ARNT2: variants seen among roughly 807,000 people sequenced by gnomAD.
The protein encoded by ARNT2 is aryl hydrocarbon receptor nuclear translocator 2.
ARNT2 carries 36 observed loss-of-function variants against 91.7 expected under a neutral mutation model. That is an observed-to-expected ratio of 0.39 (90% CI 0.30 to 0.52). The LOEUF is 0.52. Ranked by LOEUF, ARNT2 falls within the 20% of genes least tolerant of loss-of-function variation. ARNT2 has a pLI of 0.72. For synonymous variants in ARNT2, 365 were observed against 347.1 expected, an observed-to-expected ratio of 1.05 and a Z score of -0.57; for missense variants, 775 against 939.3, an observed-to-expected ratio of 0.83 and a Z score of 2.29.
At chr15:80,448,029 C>T (rs1054769494) in intron 1 of ARNT2, among the ~76,000 whole-genome samples, 4 of 152,194 alleles carry the variant, frequency 2.6e-5, no homozygotes, top group African/African-American at 9.7e-5. Context: ...AGATTGCTTA[C>T]CATCAGCATA....
rs532625611 is a variant in ARNT2, at chr15:80,562,913, C to T, written c.1165-175C>T. On this transcript the variant is annotated intron_variant, in intron 11 of 18. Transcript: ENST00000303329. ...GCACCCCATTTCACCAGAAGGTAGA[C>T]GGAGGAGTTCCCATTGCAAAACTGC... The T allele has an allele frequency of 2.2e-5, 16 of 713,758 alleles. No homozygotes were observed. In the South Asian group the frequency reaches 2.5e-4, roughly 11 times the overall value. 44.2% of individuals were successfully genotyped at this position (713,758 alleles called of 1,614,324 possible).
intron 8 of ARNT2, among the ~76,000 whole-genome samples, chr15:80,522,583 G>C (rs1897566815): frequency 6.6e-6 from 1 of 152,030 alleles, no homozygotes; most frequent in South Asian, 2.1e-4. Context: ...AATCTGTACA[G>C]CATGTTATTG....
chr15:80,595,888 C>A lies in ARNT2; in HGVS notation c.*2190C>A, dbSNP rs1010346921. On this transcript the variant is annotated 3_prime_UTR_variant, in exon 19 of 19. Transcript: ENST00000303329. ...GGCCTTGGGCATAATTATTTCCCCC[C>A]AAAAAAGGCACAAAAATAGGTTTTG... 2 of 152,084 alleles carry A rather than the reference C, an allele frequency of 1.3e-5. No individual in the cohort carries two copies. The highest frequency in any genetic ancestry group is 2.9e-5 in the Non-Finnish European group (2 of 68,002). The allele number at this position is 152,084 out of a possible 1,614,324, so 9.4% of individuals were successfully genotyped here.
At chr15:80,456,393 G>T (rs1239778926) in intron 2 of ARNT2, among the ~76,000 whole-genome samples, 1 of 151,244 alleles carries the variant, frequency 6.6e-6, no homozygotes, top group Non-Finnish European at 1.5e-5. Flanking sequence ...TTCTTATACT[G>T]TTAGTATAAC....
At chr15:80,454,525 T>C (rs1299642555) in intron 2 of ARNT2, among the ~76,000 whole-genome samples, 1 of 152,226 alleles carries the variant, frequency 6.6e-6, no homozygotes, top group Non-Finnish European at 1.5e-5. Context: ...TGGAATGTGG[T>C]CAAATTGCAG....
intron 8 of ARNT2, among the ~76,000 whole-genome samples, chr15:80,534,200 G>A (rs975747757): frequency 6.6e-6 from 1 of 152,172 alleles, no homozygotes. Flanking sequence ...TCTAGAGTCG[G>A]AATGGTACAC....
chr15:80,532,657 G>A (rs767530065), intron 8 of ARNT2, among the ~76,000 whole-genome samples: 1 of 152,152 alleles, frequency 6.6e-6, no homozygotes, highest in East Asian at 1.9e-4. Flanking sequence ...CTCAGCCACC[G>A]TCTGTAGCAG....
In ARNT2 at chr15:80,404,674, G is replaced by A. The variant is rs867169052; in HGVS notation, c.31+128G>A. On this transcript the variant is annotated intron_variant, in intron 1 of 18. Transcript: ENST00000303329. The surrounding 1 kb of genome is among the most constrained non-coding windows in gnomAD (Gnocchi z 5.5). Reference sequence around the variant, plus strand: ...AGCTCGGCGCGGTGGGTGGTGGAGCGGCTGTCACTACGCGGCAGCCGCAGC... The same window carrying A: ...AGCTCGGCGCGGTGGGTGGTGGAGCAGCTGTCACTACGCGGCAGCCGCAGC... 6.6e-4 allele frequency: 343 copies of A among 521,750 alleles called. 4 individuals are homozygous for A. Among genetic ancestry groups the A allele is most frequent in the Middle Eastern group, 6.6e-3 (7 of 1,068 alleles). The allele number at this position is 521,750 out of a possible 1,614,324, so 32.3% of individuals were successfully genotyped here.
rs1231323313 is a variant in ARNT2 at position 80,470,921 on chromosome 15, C to G, written c.408+490C>G. On this transcript the variant is annotated intron_variant, in intron 4 of 18. Coordinates refer to ENST00000303329, the MANE Select transcript of ARNT2 (RefSeq NM_014862.4). ...GCAGAGAAAAGGGAACACTTATACA[C>G]TGCTGGTGGGAGTGTAAACTAGCTC... 2.0e-5 allele frequency among the ~76,000 whole-genome samples: 3 copies of G among 152,368 alleles called. No homozygotes were observed. The East Asian group carries it at 5.8e-4, about 29-fold the overall frequency.
At chr15:80,477,483 C>T (rs967529881) in intron 5 of ARNT2, among the ~76,000 whole-genome samples, 2 of 152,186 alleles carry the variant, frequency 1.3e-5, no homozygotes, top group Admixed American at 6.5e-5. Context: ...TTGGGGAGAG[C>T]GTAAGCATTT....
rs1260618924 is a variant in ARNT2, at chr15:80,567,605, G to A, written c.1316+4366G>A. On this transcript the variant is annotated intron_variant, in intron 12 of 18. Transcript: ENST00000303329. ...AGTAAAGATCCCCCTGTGAAAACCA[G>A]CCCCCTGGCTGAGGTTTTGCTTTAT... is the stretch of plus-strand genomic sequence containing the variant. 2.0e-5 allele frequency among the ~76,000 whole-genome samples: 3 copies of A among 152,326 alleles called. No individual in the cohort carries two copies. The East Asian group carries it at 5.8e-4, about 29-fold the overall frequency.
intron 1 of ARNT2, among the ~76,000 whole-genome samples, chr15:80,427,517 G>A (rs940418099): frequency 1.2e-4 from 18 of 152,076 alleles, no homozygotes; most frequent in African/African-American, 3.6e-4. Context: ...AGGAGAACAC[G>A]GACTTGAGGT....
chr15:80,438,785 G>A (rs960454877), intron 1 of ARNT2, among the ~76,000 whole-genome samples: 36 of 152,144 alleles, frequency 2.4e-4, no homozygotes, highest in South Asian at 1.0e-3. Flanking sequence ...CATCTCCTGG[G>A]TTCACGCGAT....
rs747210628 is a variant in ARNT2, at chr15:80,508,175, G to A, written c.642G>A (p.Lys214=). The change falls in exon 6 of 19, where the codon AAG becomes AAA. Residue 214 remains lysine, a synonymous_variant. Transcript: ENST00000303329. The part of the protein sequence containing the change: ...NSMTGRILDL[K]TGTVKKEGQQ... ...TCTTAGGCCGGATCTTGGACCTGAA[G>A]ACTGGGACGGTCAAGAAAGAAGGGC... is the stretch of plus-strand genomic sequence containing the variant. 8 of 1,614,114 alleles carry A rather than the reference G, an allele frequency of 5.0e-6. No individual in the cohort carries two copies. Among genetic ancestry groups the A allele is most frequent in the Non-Finnish European group, 5.1e-6 (6 of 1,179,990 alleles).
intron 8 of ARNT2, among the ~76,000 whole-genome samples, chr15:80,516,159 C>G (rs1897430931): frequency 6.6e-6 from 1 of 152,222 alleles, no homozygotes; most frequent in African/African-American, 2.4e-5. Flanking sequence ...GCGTGAGCCA[C>G]CGCACCCAGC....
intron 8 of ARNT2, among the ~76,000 whole-genome samples, chr15:80,522,376 C>T (rs1353950170): frequency 6.6e-6 from 1 of 152,062 alleles, no homozygotes; most frequent in Admixed American, 6.5e-5. Context: ...AAGTTTGTGC[C>T]CTTAATCAGC....
At chr15:80,505,158 ATCTTGC>A (rs1897256502) in intron 5 of ARNT2, among the ~76,000 whole-genome samples, 1 of 152,204 alleles carries the variant, frequency 6.6e-6, no homozygotes, top group Non-Finnish European at 1.5e-5. Context: ...TGAAAGCAAG[ATCTTGC>A]TCTTTCATTT....
At chr15:80,440,196 G>C (rs1164572213) in intron 1 of ARNT2, among the ~76,000 whole-genome samples, 1 of 152,180 alleles carries the variant, frequency 6.6e-6, no homozygotes, top group East Asian at 1.9e-4. Flanking sequence ...ACTTTCTTCT[G>C]ATGGTCTGCG....
chr15:80,564,671 C>A (rs1223080407), intron 12 of ARNT2, among the ~76,000 whole-genome samples: 6 of 141,378 alleles, frequency 4.2e-5, no homozygotes, highest in African/African-American at 1.6e-4. Context: ...TTCACCCCTT[C>A]CCTCCCTCCC....
Sources: allele counts gnomAD v4.1 joint callset (sites outside exome capture counted in the v4.1 genomes callset), GRCh38; gene constraint gnomAD v4.1.1; non-coding constraint Gnocchi (gnomAD v3.1); transcripts MANE v1.5; gene names NCBI Gene and HGNC (gene_info 2026-07-23, HGNC 2026-07-21).